Variants in TTC22 observed in about 807,000 individuals in gnomAD.
TTC22 encodes the protein tetratricopeptide repeat domain 22.
In TTC22, 42 loss-of-function variants were observed where a neutral mutation model predicts 48.2. The ratio of observed to expected loss-of-function variants is 0.87; its 90% CI spans 0.68 to 1.13. TTC22 has a LOEUF of 1.13. Ranked by LOEUF, TTC22 falls within the 50% of genes most tolerant of loss-of-function variation. The pLI is 0.00. For synonymous variants in TTC22, 345 were observed against 365.5 expected (o/e 0.94, Z 0.64); for missense variants, 784 against 807.0 (o/e 0.97, Z 0.34).
chr1:54,782,554 A>G (rs970219865), intron 5 of TTC22, 77 bp from the exon 6 acceptor site: 1 of 1,398,766 alleles, frequency 7.1e-7, no homozygotes, highest in Non-Finnish European at 9.5e-7. Context: ...AAATGAACCC[A>G]GTCTTTTTTT....
intron 5 of TTC22, among the ~76,000 whole-genome samples, chr1:54,783,267 G>A (rs541844254): frequency 2.6e-5 from 4 of 152,174 alleles, no homozygotes; most frequent in Non-Finnish European, 5.9e-5. Flanking sequence ...TCTGGCTTTC[G>A]GGTCAGTTGG....
chr1:54,787,590 A>G lies in TTC22; in HGVS notation c.739+121T>C, dbSNP rs898347480. 8.1e-6 allele frequency: 6 copies of G among 738,432 alleles called. No individual in the cohort carries two copies. The African/African-American group carries it at 1.0e-4, about 13-fold the overall frequency. 45.7% of individuals were successfully genotyped at this position (738,432 alleles called of 1,614,324 possible). ...AGGTGCACAGATGAGTGTAGGGGAC[A>G]GAGCGAAGGAGGAAGAAACAGGAGC... On this transcript the variant is annotated intron_variant, in intron 3 of 6. Coordinates refer to ENST00000371276, the MANE Select transcript of TTC22 (RefSeq NM_001114108.2).
At chr1:54,786,811 G>A in intron 4 of TTC22, 146 bp downstream of exon 4, 1 of 442,846 alleles carries the variant, frequency 2.3e-6, no homozygotes, top group Non-Finnish European at 4.0e-6. Context: ...AAGAGAGGAT[G>A]GAGAGCAAGG....
rs777335909 is a variant in TTC22, at chr1:54,801,081, T to G, written c.83A>C (p.Glu28Ala). 64 of 1,612,516 alleles carry G rather than the reference T, an allele frequency of 4.0e-5. No homozygotes were observed. Among genetic ancestry groups the G allele is most frequent in the Non-Finnish European group, 5.2e-5 (61 of 1,179,736 alleles). Residue 28 changes from glutamate to alanine, a missense_variant, in exon 1 of 7, where the codon GAG becomes GCG. By Grantham distance (107) the Glu-to-Ala change is moderately radical. Transcript: ENST00000371276. ...LDYLPGHFHLEMQLNFEPRSP... is the reference protein window; with the variant it reads ...LDYLPGHFHLAMQLNFEPRSP... ...GCGCGGCTCGAAGTTCAACTGCATC[T>G]CCAGGTGAAAGTGGCCCGGGAGGTA...
intron 3 of TTC22, 126 bp downstream of exon 3, chr1:54,787,585 G>T: frequency 1.4e-6 from 1 of 721,128 alleles, no homozygotes; most frequent in Non-Finnish European, 2.4e-6. Flanking sequence ...ATGAGTGTAG[G>T]GGACAGAGCG....
In TTC22 at chr1:54,800,866, G is replaced by T; in HGVS notation, c.298C>A (p.Leu100Ile). The part of the protein sequence containing the change: ...LEVAHEHPGN[L>I]NAWANLAHVY... ...TGTGCCAGATTGGCCCAGGCATTGA[G>T]GTTGCCCGGGTGCTCGTGGGCCACC... Residue 100 changes from leucine to isoleucine, a missense_variant, in exon 1 of 7, where the codon CTC becomes ATC. Transcript: ENST00000371276. The T allele has an allele frequency of 6.2e-7, 1 of 1,610,306 alleles. No homozygotes were observed.
At chr1:54,782,630 AGGTC>A (rs1646271895) in intron 5 of TTC22, among the ~76,000 whole-genome samples, 153 bp from the exon 6 acceptor site, 2 of 152,306 alleles carry the variant, frequency 1.3e-5, no homozygotes, top group African/African-American at 4.8e-5. Context: ...CAGGAGTCCT[AGGTC>A]CTAGCCTTGG....
rs566549504 is a variant in TTC22 at position 54,786,202 on chromosome 1, C to T, written c.859-58G>A. ...TTGCTTGGTCATTAGCCAGAGCTGG[C>T]TAAACAGTGCTGAACCACAGGAACC... is the stretch of plus-strand genomic sequence containing the variant. On this transcript the variant is annotated intron_variant, in intron 4 of 6. Coordinates refer to ENST00000371276, the MANE Select transcript of TTC22 (RefSeq NM_001114108.2). The T allele has an allele frequency of 1.7e-4, 255 of 1,536,780 alleles. 5 individuals carry two copies. The South Asian group carries it at 2.8e-3, about 17-fold the overall frequency.
chr1:54,781,567 G>C lies in TTC22; in HGVS notation c.1386C>G (p.Asp462Glu), dbSNP rs1371344691. The change falls in exon 7 of 7, where the codon GAC (aspartate) becomes GAG (glutamate). Residue 462 changes from aspartate to glutamate, a missense_variant. Physicochemically the swap from Asp to Glu is conservative, Grantham distance 45. Transcript: ENST00000371276. ...CGTCGGTGTGGCTGGAGCCCGCGTCGTCCAGCTCCACTGCGCGCTTGAAGC... is the reference window on the plus strand; with the variant it reads ...CGTCGGTGTGGCTGGAGCCCGCGTCCTCCAGCTCCACTGCGCGCTTGAAGC... Reference protein sequence around the residue: ...AACFKRAVELDDAGSSHTDGF... With the variant: ...AACFKRAVELEDAGSSHTDGF... 6.6e-7 allele frequency: 1 copy of C among 1,522,656 alleles called. No individual in the cohort carries two copies. The highest frequency in any genetic ancestry group is 2.5e-5 in the East Asian group (1 of 39,472). The allele number at this position is 1,522,656 out of a possible 1,614,324, so 94.3% of individuals were successfully genotyped here.
At chr1:54,792,547 C>A (rs1264109000) in intron 1 of TTC22, among the ~76,000 whole-genome samples, 2 of 152,168 alleles carry the variant, frequency 1.3e-5, no homozygotes, top group African/African-American at 2.4e-5. Context: ...AATTCTCCTG[C>A]CTCAGCCTCC....
intron 2 of TTC22, 83 bp from the exon 3 acceptor site, chr1:54,787,909 G>T: frequency 2.7e-6 from 4 of 1,464,960 alleles, no homozygotes; most frequent in Non-Finnish European, 2.8e-6. Flanking sequence ...GCCTGTGGTG[G>T]TGGGGGGTGG....
chr1:54,790,198 T>C (rs12118786), intron 1 of TTC22, among the ~76,000 whole-genome samples: 14,338 of 152,214 alleles, frequency 0.094, 864 homozygotes, highest in Non-Finnish European at 0.14. Context: ...TGCAACATAA[T>C]GAGACCCTGT....
intron 1 of TTC22, 21 bp from the exon 2 acceptor site, chr1:54,788,118 C>G (rs762020357): frequency 6.2e-7 from 1 of 1,612,510 alleles, no homozygotes; most frequent in Admixed American, 1.7e-5. Flanking sequence ...AGAGAACAGC[C>G]CACACTGCCA....
chr1:54,796,476 C>T (rs915199529), intron 1 of TTC22, among the ~76,000 whole-genome samples: 3 of 152,150 alleles, frequency 2.0e-5, no homozygotes, highest in African/African-American at 4.8e-5. Flanking sequence ...CAATACCTGG[C>T]GGTGTGTCTG....
rs1557773268 is a variant in TTC22 at position 54,788,110 on chromosome 1, A to G, written c.568-13T>C. On this transcript the variant is annotated splice_polypyrimidine_tract_variant and intron_variant, in intron 1 of 6. Transcript: ENST00000371276. ...CCTCCATCGGGATCTAGGGAAACAGAGAACAGCCCACACTGCCATTACTGA... is the reference window on the plus strand; with the variant it reads ...CCTCCATCGGGATCTAGGGAAACAGGGAACAGCCCACACTGCCATTACTGA... 4.3e-6 allele frequency: 7 copies of G among 1,613,716 alleles called. No individual in the cohort carries two copies. The highest frequency in any genetic ancestry group is 5.9e-6 in the Non-Finnish European group (7 of 1,179,642).
chr1:54,783,871 G>A (rs1367079916), intron 5 of TTC22, among the ~76,000 whole-genome samples: 1 of 152,108 alleles, frequency 6.6e-6, no homozygotes, highest in Non-Finnish European at 1.5e-5. Context: ...GTGTTGTGGT[G>A]CACACCTGTG....
Position 54,800,733 on chromosome 1 carries a change from A to T in TTC22, c.431T>A (p.Leu144His). ...EEPEAAGDPQ[L>H]RAARCLAEQG... is the part of the protein sequence containing the mutation. ...CTCGGCCAGGCAGCGAGCGGCGCGG[A>T]GCTGGGGGTCCCCGGCGGCCTCGGG... The change falls in exon 1 of 7, where the codon CTC (leucine) becomes CAC (histidine). Residue 144 changes from leucine to histidine, a missense_variant. Transcript: ENST00000371276. 1.9e-6 allele frequency: 3 copies of T among 1,545,602 alleles called. No homozygotes were observed. Among genetic ancestry groups the T allele is most frequent in the Non-Finnish European group, 2.6e-6 (3 of 1,150,400 alleles).
At chr1:54,783,058 C>A (rs1646275290) in intron 5 of TTC22, among the ~76,000 whole-genome samples, 2 of 152,134 alleles carry the variant, frequency 1.3e-5, no homozygotes, top group South Asian at 4.1e-4. Flanking sequence ...TGATCTCAAA[C>A]CCTTGCTTTC....
chr1:54,799,250 C>G (rs1646414945), intron 1 of TTC22, among the ~76,000 whole-genome samples: 1 of 152,200 alleles, frequency 6.6e-6, no homozygotes, highest in South Asian at 2.1e-4. Flanking sequence ...GCTTAGCACT[C>G]TCTCATCTGG....
Sources: allele counts gnomAD v4.1 joint callset (sites outside exome capture counted in the v4.1 genomes callset), GRCh38; gene constraint gnomAD v4.1.1; transcripts MANE v1.5; gene names NCBI Gene and HGNC (gene_info 2026-07-23, HGNC 2026-07-21).